Variants in FRRS1L observed in about 807,000 individuals in gnomAD.
The protein encoded by FRRS1L is ferric chelate reductase 1 like.
Under a neutral mutation model 28.6 loss-of-function variants are expected in FRRS1L, and 22 were observed. That is an observed-to-expected ratio of 0.77 (90% CI 0.55 to 1.10). The LOEUF (loss-of-function observed/expected upper bound fraction) is 1.10, where lower values mean the gene tolerates loss of function less well. Among genes scored for constraint, FRRS1L ranks in the 50% least tolerant of loss-of-function variants. The pLI is 0.00. For synonymous variants in FRRS1L, 158 were observed against 151.4 expected, an observed-to-expected ratio of 1.04 and a Z score of -0.32; for missense variants, 380 against 386.9, an observed-to-expected ratio of 0.98 and a Z score of 0.15.
chr9:109,143,270 G>T (rs527785316), intron 3 of FRRS1L, among the ~76,000 whole-genome samples: 2 of 152,116 alleles, frequency 1.3e-5, no homozygotes, highest in East Asian at 3.9e-4. Context: ...AGCCGAAATA[G>T]TGCCACTGAA....
intron 4 of FRRS1L, chr9:109,139,134 G>C (rs982390728): frequency 6.6e-6 from 1 of 152,272 alleles, no homozygotes; most frequent in Non-Finnish European, 1.5e-5. Context: ...GGGAGGCTGA[G>C]GTTGCAGTGA....
At chr9:109,143,639 C>T (rs1346255653) in intron 3 of FRRS1L, among the ~76,000 whole-genome samples, 1 of 151,588 alleles carries the variant, frequency 6.6e-6, no homozygotes, top group African/African-American at 2.4e-5. Context: ...CTCAGCCTCC[C>T]GAGTGGCTGG....
In FRRS1L at chr9:109,133,543, A is replaced by G. The variant is rs1454538755; in HGVS notation, c.*3912T>C. The G allele has an allele frequency of 6.6e-6, 1 of 152,230 alleles. No individual in the cohort carries two copies. The highest frequency in any genetic ancestry group is 1.5e-5 in the Non-Finnish European group (1 of 68,050). 9.4% of individuals were successfully genotyped at this position (152,230 alleles called of 1,614,324 possible). On this transcript the variant is annotated 3_prime_UTR_variant, in exon 5 of 5. Coordinates refer to ENST00000561981, the MANE Select transcript of FRRS1L (RefSeq NM_014334.4). ...GTGTAGGAAATCATATCACCTCCTTAGGCTTCAGCTGCACCTCTGTAAAAT... is the reference window on the plus strand; with the variant it reads ...GTGTAGGAAATCATATCACCTCCTTGGGCTTCAGCTGCACCTCTGTAAAAT...
intron 4 of FRRS1L, chr9:109,140,994 A>G (rs1472317074): frequency 3.5e-6 from 1 of 288,942 alleles, no homozygotes; most frequent in African/African-American, 2.1e-5. Context: ...AATAATACCT[A>G]TACCTCTCAA....
In FRRS1L at chr9:109,131,978, A is replaced by ATATTTTATTTTATTTTAT; in HGVS notation, c.*5476_*5477insATAAAATAAAATAAAATA. On this transcript the variant is annotated 3_prime_UTR_variant, in exon 5 of 5. Coordinates refer to ENST00000561981, the MANE Select transcript of FRRS1L (RefSeq NM_014334.4). ...CTTTTATTTTATTTTATTTTATTTT[A>ATATTTTATTTTATTTTAT]TTTATTTATTTTTTAGACGGAGTCT... 1 of 147,562 alleles carries ATATTTTATTTTATTTTAT rather than the reference A, an allele frequency of 6.8e-6. No homozygotes were observed. Among genetic ancestry groups the ATATTTTATTTTATTTTAT allele is most frequent in the East Asian group, 2.0e-4 (1 of 5,102 alleles). 9.1% of individuals were successfully genotyped at this position (147,562 alleles called of 1,614,324 possible). A position where few individuals can be genotyped will look rare whatever the true frequency, so the allele number is the denominator to read the frequency against.
intron 1 of FRRS1L, among the ~76,000 whole-genome samples, chr9:109,156,451 C>T (rs763071183): frequency 3.5e-4 from 53 of 152,094 alleles, no homozygotes; most frequent in Non-Finnish European, 6.2e-4. Flanking sequence ...TGCAGTGGCA[C>T]GATCTCGCCT....
rs1831567374 is a variant in FRRS1L, at chr9:109,167,191, C to G, written c.-53G>C. 6.8e-6 allele frequency: 8 copies of G among 1,168,544 alleles called. No individual in the cohort carries two copies. The highest frequency in any genetic ancestry group is 3.5e-4 in the Middle Eastern group (1 of 2,872). The allele number at this position is 1,168,544 out of a possible 1,614,324, so 72.4% of individuals were successfully genotyped here. A position where few individuals can be genotyped will look rare whatever the true frequency, so the allele number is the denominator to read the frequency against. On this transcript the variant is annotated 5_prime_UTR_variant, in exon 1 of 5. Transcript: ENST00000561981. ...CGCTCGGGCCGCAGCGGGGGCGCCGCGGGCGCGGGCCGGGACTGAGCCTCC... is the reference window on the plus strand; with the variant it reads ...CGCTCGGGCCGCAGCGGGGGCGCCGGGGGCGCGGGCCGGGACTGAGCCTCC...
intron 1 of FRRS1L, among the ~76,000 whole-genome samples, chr9:109,152,615 T>G (rs1320541301): frequency 6.6e-6 from 1 of 150,728 alleles, no homozygotes; most frequent in Non-Finnish European, 1.5e-5. Flanking sequence ...CCATCCTGGC[T>G]AACACAGTGA....
At chr9:109,166,858 C>A in intron 1 of FRRS1L, 43 bp downstream of exon 1, 1 of 808,726 alleles carries the variant, frequency 1.2e-6, no homozygotes, top group South Asian at 4.5e-5. Flanking sequence ...TCCCCCACCC[C>A]CGGTCTCCCC....
chr9:109,146,184 C>T (rs74793865), intron 3 of FRRS1L, among the ~76,000 whole-genome samples: 3,632 of 151,636 alleles, frequency 0.024, 59 homozygotes, highest in East Asian at 0.095. Flanking sequence ...GCAACAAGAG[C>T]GAAACTCTAT....
Position 109,133,260 on chromosome 9 carries a change from G to C in FRRS1L, c.*4195C>G, listed in dbSNP as rs1422957831. 13 of 152,174 alleles carry C rather than the reference G, an allele frequency of 8.5e-5. No homozygotes were observed. The highest frequency in any genetic ancestry group is 8.5e-4 in the Admixed American group (13 of 15,272). The allele number at this position is 152,174 out of a possible 1,614,324, so 9.4% of individuals were successfully genotyped here. ...GTTACATTGTTAAAAATGTATTTAA[G>C]TCTTGTTTGATCTGTGTATTAAACC... On this transcript the variant is annotated 3_prime_UTR_variant, in exon 5 of 5. Coordinates refer to ENST00000561981, the MANE Select transcript of FRRS1L (RefSeq NM_014334.4).
intron 1 of FRRS1L, among the ~76,000 whole-genome samples, chr9:109,155,762 G>C (rs1831396291): frequency 6.6e-6 from 1 of 151,150 alleles, no homozygotes; most frequent in African/African-American, 2.4e-5. Flanking sequence ...ATTCGTGGTT[G>C]TCTCGAGCTG....
intron 1 of FRRS1L, among the ~76,000 whole-genome samples, chr9:109,161,660 G>A (rs1831482122): frequency 6.6e-6 from 1 of 152,090 alleles, no homozygotes; most frequent in Non-Finnish European, 1.5e-5. Flanking sequence ...ACACTCTACT[G>A]GGTGGTTAAT....
chr9:109,159,680 AC>A (rs1299463800), intron 1 of FRRS1L, among the ~76,000 whole-genome samples: 1 of 152,192 alleles, frequency 6.6e-6, no homozygotes, highest in Non-Finnish European at 1.5e-5. Context: ...AACCAAAAAA[AC>A]ATTTAAGCAG....
At chr9:109,157,885 C>CCG (rs1831431386) in intron 1 of FRRS1L, among the ~76,000 whole-genome samples, 1 of 152,138 alleles carries the variant, frequency 6.6e-6, no homozygotes. Flanking sequence ...TCTTATGGTT[C>CCG]ATCTTTGCCT....
chr9:109,167,121 C>A lies in FRRS1L; in HGVS notation c.18G>T (p.Arg6=). The A allele has an allele frequency of 8.6e-7, 1 of 1,164,338 alleles. No individual in the cohort carries two copies. The allele number at this position is 1,164,338 out of a possible 1,614,324, so 72.1% of individuals were successfully genotyped here. ...GCGACGCCCAGACCCCCGGGTGCTG[C>A]CGGGGCGGCCGCGCCATCCGTGCGC... MARPP[R]QHPGVWASLL... The change falls in exon 1 of 5, where the codon CGG becomes CGT. Residue 6 remains arginine (R), a synonymous_variant. Transcript: ENST00000561981.
chr9:109,156,689 G>T (rs1267098109), intron 1 of FRRS1L, among the ~76,000 whole-genome samples: 5 of 133,514 alleles, frequency 3.7e-5, no homozygotes, highest in African/African-American at 8.3e-5. Context: ...GCACCTGGAT[G>T]TTTTTTTTTT....
chr9:109,155,372 T>C lies in FRRS1L; in HGVS notation c.239-5652A>G, dbSNP rs190078576. On this transcript the variant is annotated intron_variant, in intron 1 of 4. Transcript: ENST00000561981. ...TCATAAAAAATGAAGTACTGATACA[T>C]GTTACAACATGGACGTACCTTGATT... Among the ~76,000 whole-genome samples, 29 of 152,302 alleles carry C rather than the reference T, an allele frequency of 1.9e-4. No individual in the cohort carries two copies. The East Asian group carries it at 5.2e-3, about 27-fold the overall frequency.
chr9:109,165,454 T>A lies in FRRS1L; in HGVS notation c.238+1447A>T, dbSNP rs537012771. Among the ~76,000 whole-genome samples, 53 of 152,328 alleles carry A rather than the reference T, an allele frequency of 3.5e-4. No individual in the cohort carries two copies. In the South Asian group the frequency reaches 0.01, roughly 30 times the overall value. On this transcript the variant is annotated intron_variant, in intron 1 of 4. Coordinates refer to ENST00000561981, the MANE Select transcript of FRRS1L (RefSeq NM_014334.4). ...GATGGAAAGAACCCGGGTCCCTGAA[T>A]GACCTTGCGGAACAGAGTCATCCCA...
Sources: gnomAD v4.1 joint callset for allele counts (sites outside exome capture counted in the v4.1 genomes callset) on GRCh38, gnomAD v4.1.1 for gene constraint, MANE v1.5 for transcripts, NCBI Gene and HGNC (gene_info 2026-07-23, HGNC 2026-07-21) for gene names.